Variants in CCND3 observed in about 807,000 individuals in gnomAD.
CCND3 encodes G1/S-specific cyclin-D3.
In CCND3, 9 loss-of-function variants were observed where a neutral mutation model predicts 28.7. The ratio of observed to expected loss-of-function variants is 0.31; its 90% CI spans 0.19 to 0.55. CCND3 has a LOEUF of 0.55. CCND3 is among the 20% of genes least tolerant of loss of function. The pLI is 0.93. For synonymous variants in CCND3, 164 were observed against 163.9 expected, an observed-to-expected ratio of 1.00 and a Z score of 0.00; for missense variants, 315 against 385.8, an observed-to-expected ratio of 0.82 and a Z score of 1.54.
At chr6:41,964,459 TGTGA>T (rs1490021924) in intron 1 of CCND3, among the ~76,000 whole-genome samples, 27 of 84,272 alleles carry the variant, frequency 3.2e-4, no homozygotes, top group South Asian at 8.0e-4. Context: ...TGAGTCTGTG[TGTGA>T]GTGTGTGTGT....
chr6:41,957,841 C>T (rs1451583607), intron 1 of CCND3, among the ~76,000 whole-genome samples: 1 of 151,960 alleles, frequency 6.6e-6, no homozygotes, highest in African/African-American at 2.4e-5. Flanking sequence ...TTTTTCATTT[C>T]TATTTATTTT....
upstream of CCND3, among the ~76,000 whole-genome samples, chr6:41,945,996 T>C (rs986859308): frequency 6.6e-6 from 1 of 152,138 alleles, no homozygotes; most frequent in Non-Finnish European, 1.5e-5. Context: ...CTCCTAGAAT[T>C]GCATCTCTAG....
intron 1 of CCND3, among the ~76,000 whole-genome samples, chr6:41,982,527 A>G (rs1413836135): frequency 6.6e-6 from 1 of 152,202 alleles, no homozygotes; most frequent in Non-Finnish European, 1.5e-5. Flanking sequence ...AGAGATTCAA[A>G]GCAATCTCAC....
intron 1 of CCND3, among the ~76,000 whole-genome samples, chr6:41,974,583 A>G (rs1179959655): frequency 2.0e-5 from 3 of 152,120 alleles, no homozygotes; most frequent in African/African-American, 7.2e-5. Flanking sequence ...GAGGGTCCCA[A>G]GTGCCCATGC....
At chr6:41,944,987 A>G (rs575866370), upstream of CCND3, among the ~76,000 whole-genome samples, 22 of 152,242 alleles carry the variant, frequency 1.4e-4, no homozygotes, top group Non-Finnish European at 1.9e-4. Context: ...TCAAAGAAAT[A>G]GAGGCTCCTC....
chr6:41,951,575 C>CAAAAAAAAA (rs58855970), intron 1 of CCND3, among the ~76,000 whole-genome samples: 9 of 70,172 alleles, frequency 1.3e-4, no homozygotes, highest in Admixed American at 3.6e-4. Context: ...CACACACACA[C>CAAAAAAAAA]AAAAAAAAAG....
chr6:41,970,112 G>A (rs1048227421), intron 1 of CCND3, among the ~76,000 whole-genome samples: 3 of 152,040 alleles, frequency 2.0e-5, no homozygotes, highest in Admixed American at 1.3e-4. Context: ...AGACCAAGGC[G>A]GGTGGATCAC....
chr6:41,970,156 T>C lies in CCND3; in HGVS notation c.-45-29571A>G, dbSNP rs185191536. Among the ~76,000 whole-genome samples the C allele has an allele frequency of 2.8e-3, 424 of 151,974 alleles. 2 individuals are homozygous for C. Among genetic ancestry groups the C allele is most frequent in the African/African-American group, 9.8e-3 (405 of 41,434 alleles). ...GAGATTGAGACCATCTTGGCCAACA[T>C]GGTGAAACCCCATCTCTACAAAAAA... On this transcript the variant is annotated intron_variant, in intron 1 of 4. Transcript: ENST00000372988.
chr6:42,025,895 C>A (rs772187350), intron 1 of CCND3, among the ~76,000 whole-genome samples: 3 of 152,202 alleles, frequency 2.0e-5, no homozygotes, highest in Non-Finnish European at 4.4e-5. Flanking sequence ...CCATGGTAAG[C>A]ACTTAATAAA....
In CCND3 at chr6:41,936,185, C is replaced by G. The variant is rs565876880; in HGVS notation, c.712-78G>C. On this transcript the variant is annotated intron_variant, in intron 4 of 4. Coordinates refer to ENST00000372991, the MANE Select transcript of CCND3 (RefSeq NM_001760.5). This position sits in a 1 kb window ranked among gnomAD's most constrained non-coding sequence, Gnocchi z 4.4. ...CAGCAGGTGCAGGGGAAGGACAGCTCCCAACACATGGGGAAGTCTGGGGAG... is the reference window on the plus strand; with the variant it reads ...CAGCAGGTGCAGGGGAAGGACAGCTGCCAACACATGGGGAAGTCTGGGGAG... 1.8e-5 allele frequency: 26 copies of G among 1,457,990 alleles called. 1 individual carries two copies. The highest frequency in any genetic ancestry group is 2.3e-5 in the Non-Finnish European group (25 of 1,088,184). The allele number at this position is 1,457,990 out of a possible 1,614,324, so 90.3% of individuals were successfully genotyped here.
chr6:42,019,704 T>C (rs568717261), intron 1 of CCND3, among the ~76,000 whole-genome samples: 30 of 152,224 alleles, frequency 2.0e-4, no homozygotes, highest in African/African-American at 6.7e-4. Context: ...TAGGACTTAA[T>C]GATTGGGGCG....
At chr6:41,985,624 C>CT (rs1291531139) in intron 1 of CCND3, among the ~76,000 whole-genome samples, 39 of 840 alleles carry the variant, frequency 0.046, 18 homozygotes, top group Admixed American at 0.071. Flanking sequence ...CAGTTTAAGT[C>CT]TTTTTTTTTT....
At chr6:42,007,936 G>A (rs1763221907) in intron 1 of CCND3, among the ~76,000 whole-genome samples, 1 of 152,136 alleles carries the variant, frequency 6.6e-6, no homozygotes, top group African/African-American at 2.4e-5. Flanking sequence ...AGGAAGAAAT[G>A]AGCCGGCAGA....
At chr6:41,948,832 CGA>C (rs1044782927) in intron 1 of CCND3, among the ~76,000 whole-genome samples, 3 of 143,686 alleles carry the variant, frequency 2.1e-5, no homozygotes, top group African/African-American at 7.8e-5. Context: ...GACTACAGAA[CGA>C]GACTCCATCT....
chr6:42,030,522 C>T (rs1764013562), intron 1 of CCND3, among the ~76,000 whole-genome samples: 1 of 152,152 alleles, frequency 6.6e-6, no homozygotes. Context: ...CTGTGGGCTC[C>T]TGGAGGGCAA....
intron 1 of CCND3, among the ~76,000 whole-genome samples, chr6:42,047,297 A>C (rs898183690): frequency 5.9e-5 from 9 of 152,226 alleles, no homozygotes; most frequent in African/African-American, 2.2e-4. Flanking sequence ...AGCTGTGGGA[A>C]TAGCCTGTGC....
At position 41,941,738 on chromosome 6, in the gene CCND3, C is replaced by T; in HGVS notation, c.-89G>A. 1.0e-6 allele frequency: 1 copy of T among 962,460 alleles called. No individual in the cohort carries two copies. 59.6% of individuals were successfully genotyped at this position (962,460 alleles called of 1,614,324 possible). A position where few individuals can be genotyped will look rare whatever the true frequency, so the allele number is the denominator to read the frequency against. Reference sequence around the variant, plus strand: ...CGGAGAGCGCGGGGCGCGGGTCTGGCGCTGGCGCTGGCACTGCGCGGCGGA... The same window carrying T: ...CGGAGAGCGCGGGGCGCGGGTCTGGTGCTGGCGCTGGCACTGCGCGGCGGA... On this transcript the variant is annotated 5_prime_UTR_variant, in exon 1 of 5. Coordinates refer to ENST00000372991, the MANE Select transcript of CCND3 (RefSeq NM_001760.5). The surrounding 1 kb of genome is among the most constrained non-coding windows in gnomAD (Gnocchi z 6.1).
intron 1 of CCND3, among the ~76,000 whole-genome samples, chr6:42,020,679 C>G (rs1763684339): frequency 6.6e-6 from 1 of 152,340 alleles, no homozygotes; most frequent in East Asian, 1.9e-4. Flanking sequence ...CCCCTTCTCT[C>G]AGAATTCCCA....
chr6:42,026,965 T>C (rs1763893508), intron 1 of CCND3, among the ~76,000 whole-genome samples: 1 of 152,136 alleles, frequency 6.6e-6, no homozygotes, highest in Non-Finnish European at 1.5e-5. Context: ...GCTAAGCCAC[T>C]CTTGTTGGAG....
Sources: allele counts gnomAD v4.1 joint callset (sites outside exome capture counted in the v4.1 genomes callset), GRCh38; gene constraint gnomAD v4.1.1; non-coding constraint Gnocchi (gnomAD v3.1); transcripts MANE v1.5; gene names NCBI Gene and HGNC (gene_info 2026-07-23, HGNC 2026-07-21).